CAMTA1: variants seen among roughly 807,000 people sequenced by gnomAD.
CAMTA1 encodes calmodulin-binding transcription activator 1.
A neutral mutation model predicts 170.9 loss-of-function variants in CAMTA1; 27 were observed. That is an observed-to-expected ratio of 0.16 (90% CI 0.12 to 0.22). CAMTA1 has a LOEUF of 0.22. Ranked by LOEUF, CAMTA1 falls within the 10% of genes least tolerant of loss-of-function variation. The pLI is 1.00. For missense variants in CAMTA1, 1,619 were observed against 2,217.2 expected (o/e 0.73, Z 5.42); for synonymous variants, 833 against 891.5 (o/e 0.93, Z 1.17).
chr1:7,419,460 A>G lies in CAMTA1; in HGVS notation c.439-48370A>G, dbSNP rs963821258. ...GCGTGAGCCACCATGCCCAGCCCCA[A>G]TCTCCTTGACTCATGACTTTTGGGG... On this transcript the variant is annotated intron_variant, in intron 5 of 22. Transcript: ENST00000303635. 2.6e-5 allele frequency among the ~76,000 whole-genome samples: 4 copies of G among 152,102 alleles called. No homozygotes were observed. In the East Asian group the frequency reaches 7.7e-4, roughly 29 times the overall value.
intron 4 of CAMTA1, among the ~76,000 whole-genome samples, chr1:7,208,931 C>T (rs17030564): frequency 0.022 from 3,284 of 152,186 alleles, 66 homozygotes; most frequent in East Asian, 0.086. Context: ...ATTGCTGGGC[C>T]GACTGGCTGG....
chr1:7,493,018 C>T (rs1192427743), intron 6 of CAMTA1, among the ~76,000 whole-genome samples: 3 of 150,068 alleles, frequency 2.0e-5, no homozygotes, highest in African/African-American at 4.9e-5. Flanking sequence ...AACCTACAAA[C>T]ACACATGCAC....
rs1342320709 is a variant in CAMTA1 at position 7,455,043 on chromosome 1, C to T, written c.439-12787C>T. On this transcript the variant is annotated intron_variant, in intron 5 of 22. Transcript: ENST00000303635. The surrounding 1 kb of genome is among the most constrained non-coding windows in gnomAD (Gnocchi z 5.0). The stretch of plus-strand genomic sequence containing the variant: ...CTCCGTGCCAGAGCCTCGGAGGTTC[C>T]GATGCACTCAGGGCCCTGGGGGCAT... Among the ~76,000 whole-genome samples the T allele has an allele frequency of 6.6e-6, 1 of 152,142 alleles. No homozygotes were observed. The highest frequency in any genetic ancestry group is 1.5e-5 in the Non-Finnish European group (1 of 68,034).
Position 7,044,561 on chromosome 1 carries a change from TGG to T in CAMTA1, c.235-46741_235-46740del, listed in dbSNP as rs1705047901. Among the ~76,000 whole-genome samples, 2 of 152,136 alleles carry T rather than the reference TGG, an allele frequency of 1.3e-5. No individual in the cohort carries two copies. The highest frequency in any genetic ancestry group is 2.9e-5 in the Non-Finnish European group (2 of 68,018). The stretch of plus-strand genomic sequence containing the variant: ...GGAAGGCACATGCGTGATTAGCAGA[TGG>T]GTGATGGGGCCTCTAGCGGGCAGAT... On this transcript the variant is annotated intron_variant, in intron 3 of 22. Coordinates refer to ENST00000303635, the MANE Select transcript of CAMTA1 (RefSeq NM_015215.4). The surrounding 1 kb of genome is among the most constrained non-coding windows in gnomAD (Gnocchi z 5.0).
Position 7,264,810 on chromosome 1 carries a change from C to T in CAMTA1, c.438+15184C>T, listed in dbSNP as rs184682999. Among the ~76,000 whole-genome samples, 10 of 152,296 alleles carry T rather than the reference C, an allele frequency of 6.6e-5. No homozygotes were observed. The East Asian group carries it at 9.6e-4, about 15-fold the overall frequency. ...TTCAGTGTAATTTTCCTTTCCTGCA[C>T]GGCCACCTTTTTATTTATTTACAGA... On this transcript the variant is annotated intron_variant, in intron 5 of 22. Transcript: ENST00000303635.
intron 5 of CAMTA1, among the ~76,000 whole-genome samples, chr1:7,400,678 G>T (rs1340690468): frequency 1.3e-5 from 2 of 152,146 alleles, no homozygotes; most frequent in African/African-American, 2.4e-5. Context: ...AGTATACGTT[G>T]GGTAGGGTGC....
Position 7,234,387 on chromosome 1 carries a change from C to T in CAMTA1, c.303-15104C>T, listed in dbSNP as rs141629196. On this transcript the variant is annotated intron_variant, in intron 4 of 22. Transcript: ENST00000303635. This position sits in a 1 kb window ranked among gnomAD's most constrained non-coding sequence, Gnocchi z 5.0. ...ACAGCTGTTCTCAAACCCACTCATTCGCTATCTCTGGTGGGTCCCCTTTCC... is the reference window on the plus strand; with the variant it reads ...ACAGCTGTTCTCAAACCCACTCATTTGCTATCTCTGGTGGGTCCCCTTTCC... Among the ~76,000 whole-genome samples, 432 of 152,336 alleles carry T rather than the reference C, an allele frequency of 2.8e-3. 3 individuals carry two copies. Among genetic ancestry groups the T allele is most frequent in the Middle Eastern group, 0.017 (5 of 294 alleles).
At chr1:7,648,282 C>G (rs1236413917) in intron 7 of CAMTA1, among the ~76,000 whole-genome samples, 1 of 151,838 alleles carries the variant, frequency 6.6e-6, no homozygotes, top group Non-Finnish European at 1.5e-5. Flanking sequence ...ATCACAACTA[C>G]TTGGTAGGCT....
chr1:6,793,340 G>A (rs1339367072), intron 1 of CAMTA1, among the ~76,000 whole-genome samples: 1 of 152,090 alleles, frequency 6.6e-6, no homozygotes, highest in Non-Finnish European at 1.5e-5. Context: ...TTACCACAAG[G>A]TAAGATTATG....
At chr1:7,511,825 G>A (rs1198454179) in intron 6 of CAMTA1, among the ~76,000 whole-genome samples, 4 of 152,128 alleles carry the variant, frequency 2.6e-5, no homozygotes, top group Admixed American at 1.3e-4. Flanking sequence ...CGGCTTTCCT[G>A]GTCCCCAAAC....
chr1:7,409,269 G>A (rs1468881694), intron 5 of CAMTA1, among the ~76,000 whole-genome samples: 3 of 152,190 alleles, frequency 2.0e-5, no homozygotes, highest in Non-Finnish European at 4.4e-5. Flanking sequence ...GAAAGAGCAC[G>A]ACCTGATTGT....
chr1:6,961,960 G>A (rs1021602069), intron 3 of CAMTA1, among the ~76,000 whole-genome samples: 3 of 152,196 alleles, frequency 2.0e-5, no homozygotes, highest in African/African-American at 7.2e-5. Flanking sequence ...ATCTCTCCCC[G>A]GCGGCCAGTC....
intron 6 of CAMTA1, among the ~76,000 whole-genome samples, chr1:7,520,309 C>T (rs752109135): frequency 2.9e-5 from 4 of 136,676 alleles, no homozygotes; most frequent in Non-Finnish European, 6.2e-5. Context: ...CTCTGGAGCC[C>T]ACCTCTCCCA....
intron 5 of CAMTA1, among the ~76,000 whole-genome samples, chr1:7,321,589 G>A (rs1041089328): frequency 1.3e-5 from 2 of 152,078 alleles, no homozygotes; most frequent in African/African-American, 4.8e-5. Context: ...AAGCTCCTAG[G>A]CCCTTTAATC....
intron 6 of CAMTA1, among the ~76,000 whole-genome samples, chr1:7,527,696 A>G (rs1377053949): frequency 6.6e-6 from 1 of 152,216 alleles, no homozygotes; most frequent in African/African-American, 2.4e-5. Context: ...GGAAGTCACT[A>G]GAAGCTGCCT....
chr1:6,825,283 A>G, intron 3 of CAMTA1, 73 bp downstream of exon 3: 2 of 695,860 alleles, frequency 2.9e-6, no homozygotes, highest in Non-Finnish European at 5.0e-6. Flanking sequence ...ACATAGTCCT[A>G]CTTTATGTTA....
intron 11 of CAMTA1, among the ~76,000 whole-genome samples, chr1:7,678,507 T>C (rs2096147686): frequency 6.6e-6 from 1 of 152,058 alleles, no homozygotes. Flanking sequence ...CCCCTTGGGG[T>C]ACCAGGGGCT....
intron 3 of CAMTA1, among the ~76,000 whole-genome samples, chr1:6,898,162 A>G (rs1041056869): frequency 1.4e-4 from 21 of 152,218 alleles, no homozygotes; most frequent in Non-Finnish European, 2.5e-4. Context: ...AATATTTGTT[A>G]AAATTGTAAT....
At chr1:7,156,464 CA>C (rs981601903) in intron 4 of CAMTA1, among the ~76,000 whole-genome samples, 5 of 152,130 alleles carry the variant, frequency 3.3e-5, no homozygotes, top group African/African-American at 1.2e-4. Context: ...GGCTTCTCAT[CA>C]GGGAGGTGAT....
Sources: gnomAD v4.1 joint callset for allele counts (sites outside exome capture counted in the v4.1 genomes callset) on GRCh38, gnomAD v4.1.1 for gene constraint, Gnocchi (gnomAD v3.1) non-coding constraint, MANE v1.5 for transcripts, NCBI Gene and HGNC (gene_info 2026-07-23, HGNC 2026-07-21) for gene names.